Variants in ADAMTSL3 observed in about 807,000 individuals in gnomAD.
ADAMTSL3 encodes the protein ADAMTS like 3.
ADAMTSL3 carries 128 observed loss-of-function variants against 201.7 expected under a neutral mutation model. The ratio of observed to expected loss-of-function variants is 0.63; its 90% CI spans 0.55 to 0.73. The LOEUF (loss-of-function observed/expected upper bound fraction) is 0.73, where lower values mean the gene tolerates loss of function less well. Among genes scored for constraint, ADAMTSL3 ranks in the 30% least tolerant of loss-of-function variants. The probability of loss-of-function intolerance (pLI) is 0.00; values close to 1 mark genes in which losing one functional copy is unlikely to be tolerated. For synonymous variants in ADAMTSL3, 738 were observed against 748.4 expected (o/e 0.99, Z 0.23); for missense variants, 1,990 against 2,119.6 (o/e 0.94, Z 1.20).
Position 83,988,776 on chromosome 15 carries a change from C to A in ADAMTSL3, c.3802C>A (p.His1268Asn). The change falls in exon 22 of 30, where the codon CAT (histidine) becomes AAT (asparagine). Residue 1268 changes from histidine (H) to asparagine (N), a missense_variant. Coordinates refer to ENST00000286744, the MANE Select transcript of ADAMTSL3 (RefSeq NM_207517.3). ...QGIYECSVAN[H>N]LGSDVESSSV... ...CATATATGAATGTTCTGTAGCTAAT[C>A]ATCTTGGTTCAGATGTGGAAAGTTC... The A allele has an allele frequency of 6.2e-7, 1 of 1,606,812 alleles. No individual in the cohort carries two copies. Among genetic ancestry groups the A allele is most frequent in the South Asian group, 1.1e-5 (1 of 89,568 alleles).
chr15:83,736,720 TG>T (rs2062374326), intron 3 of ADAMTSL3, among the ~76,000 whole-genome samples: 1 of 152,150 alleles, frequency 6.6e-6, no homozygotes, highest in East Asian at 1.9e-4. Flanking sequence ...AGCGGGTAAG[TG>T]GAAAACAAGG....
At chr15:83,877,124 G>A (rs1318761659) in intron 9 of ADAMTSL3, among the ~76,000 whole-genome samples, 4 of 151,966 alleles carry the variant, frequency 2.6e-5, no homozygotes, top group African/African-American at 9.7e-5. Flanking sequence ...TTTTTTTGTA[G>A]TAACAGGATC....
intron 8 of ADAMTSL3, among the ~76,000 whole-genome samples, chr15:83,865,393 T>C (rs1466874160): frequency 1.3e-5 from 2 of 152,156 alleles, no homozygotes; most frequent in Non-Finnish European, 2.9e-5. Flanking sequence ...CAAAACAGCA[T>C]GGTACTGGTA....
rs142014884 is a variant in ADAMTSL3, at chr15:83,982,559, C to T, written c.2931C>T (p.Ile977=). 4.2e-5 allele frequency: 68 copies of T among 1,614,082 alleles called. No homozygotes were observed. The highest frequency in any genetic ancestry group is 4.9e-5 in the Non-Finnish European group (58 of 1,180,040). Residue 977 remains isoleucine, a synonymous_variant, in exon 21 of 30, where the codon ATC becomes ATT. Transcript: ENST00000286744. ...LKIHGLAAPD[I]GVYRCIAGSA... ...TCCATGGTCTTGCTGCCCCCGACAT[C>T]GGCGTGTACCGGTGCATTGCAGGCT... is the stretch of plus-strand genomic sequence containing the variant.
intron 20 of ADAMTSL3, among the ~76,000 whole-genome samples, chr15:83,977,406 G>C (rs2067306327): frequency 6.6e-6 from 1 of 152,202 alleles, no homozygotes; most frequent in African/African-American, 2.4e-5. Flanking sequence ...AATTAGGTCT[G>C]AAGTTCCAGA....
intron 7 of ADAMTSL3, among the ~76,000 whole-genome samples, chr15:83,855,468 G>A (rs2064712093): frequency 6.6e-6 from 1 of 152,190 alleles, no homozygotes; most frequent in Non-Finnish European, 1.5e-5. Flanking sequence ...AGCTTTGTGA[G>A]TGAAGTCTTC....
intron 3 of ADAMTSL3, among the ~76,000 whole-genome samples, chr15:83,729,765 T>C (rs942704021): frequency 6.6e-6 from 1 of 152,128 alleles, no homozygotes. Flanking sequence ...TGGTGCCTTA[T>C]ATACTTTGTT....
chr15:83,910,912 T>A (rs966061928), intron 15 of ADAMTSL3, among the ~76,000 whole-genome samples: 9 of 152,122 alleles, frequency 5.9e-5, no homozygotes, highest in African/African-American at 2.2e-4. Flanking sequence ...AGTGCTGGGA[T>A]TACCGGCGTG....
chr15:83,804,216 G>A (rs886124284), intron 4 of ADAMTSL3, among the ~76,000 whole-genome samples: 7 of 152,192 alleles, frequency 4.6e-5, no homozygotes, highest in Admixed American at 6.5e-5. Flanking sequence ...AAGACAGTGA[G>A]TGCCCTGCTA....
At chr15:83,853,763 A>G (rs913954406) in intron 7 of ADAMTSL3, among the ~76,000 whole-genome samples, 1 of 152,190 alleles carries the variant, frequency 6.6e-6, no homozygotes, top group African/African-American at 2.4e-5. Context: ...ATGTAGTTTT[A>G]TCTCCAAAAT....
chr15:83,726,377 G>A (rs1486354459), intron 3 of ADAMTSL3, among the ~76,000 whole-genome samples: 1 of 151,918 alleles, frequency 6.6e-6, no homozygotes, highest in Admixed American at 6.6e-5. Context: ...CAATTTGGAT[G>A]CCGTTTATTT....
chr15:83,915,307 A>G (rs1567233920), intron 16 of ADAMTSL3, among the ~76,000 whole-genome samples: 1 of 152,188 alleles, frequency 6.6e-6, no homozygotes, highest in Non-Finnish European at 1.5e-5. Context: ...CTTGGAACTC[A>G]GCAGACCAAT....
At chr15:83,804,568 A>C in intron 4 of ADAMTSL3, 82 bp from the exon 5 acceptor site, 1 of 769,864 alleles carries the variant, frequency 1.3e-6, no homozygotes. Context: ...AATGCCTTGT[A>C]TTTGCTTTTT....
intron 19 of ADAMTSL3, among the ~76,000 whole-genome samples, chr15:83,964,056 A>G (rs769913374): frequency 6.6e-6 from 1 of 152,218 alleles, no homozygotes. Flanking sequence ...ATAAATTCAC[A>G]AAGATGTGGA....
chr15:83,965,950 A>G (rs1004431499), intron 19 of ADAMTSL3, among the ~76,000 whole-genome samples: 2 of 152,224 alleles, frequency 1.3e-5, no homozygotes, highest in African/African-American at 4.8e-5. Flanking sequence ...GAATAACAAA[A>G]TTAAGGCAGA....
chr15:83,661,831 A>G (rs1401805320), intron 2 of ADAMTSL3, among the ~76,000 whole-genome samples: 1 of 149,738 alleles, frequency 6.7e-6, no homozygotes, highest in African/African-American at 2.5e-5. Flanking sequence ...AATGCTCATC[A>G]TCACTGGCCA....
intron 11 of ADAMTSL3, among the ~76,000 whole-genome samples, chr15:83,890,568 T>G (rs1184873131): frequency 6.6e-6 from 1 of 152,226 alleles, no homozygotes; most frequent in Non-Finnish European, 1.5e-5. Flanking sequence ...ACTCACCACT[T>G]TAGCTTTTAA....
chr15:83,723,988 A>G (rs547606752), intron 3 of ADAMTSL3, among the ~76,000 whole-genome samples: 12 of 152,194 alleles, frequency 7.9e-5, no homozygotes, highest in African/African-American at 2.6e-4. Context: ...GATTGGGGGA[A>G]TGGACATCCA....
intron 2 of ADAMTSL3, among the ~76,000 whole-genome samples, chr15:83,670,516 C>T (rs1375968761): frequency 2.6e-5 from 4 of 152,194 alleles, no homozygotes; most frequent in East Asian, 3.9e-4. Flanking sequence ...CATATGCACA[C>T]GTATGTTTTT....
Sources: gnomAD v4.1 joint callset for allele counts (sites outside exome capture counted in the v4.1 genomes callset) on GRCh38, gnomAD v4.1.1 for gene constraint, MANE v1.5 for transcripts, NCBI Gene and HGNC (gene_info 2026-07-23, HGNC 2026-07-21) for gene names.